The following MCF2L2 variants were observed in gnomAD, a reference collection of about 807,000 sequenced individuals.
MCF2L2 encodes MCF.2 cell line derived transforming sequence-like 2, also known as probable guanine nucleotide exchange factor MCF2L2.
MCF2L2 carries 102 observed loss-of-function variants against 150.2 expected under a neutral mutation model. That is an observed-to-expected ratio of 0.68 (90% CI 0.58 to 0.80). The LOEUF is 0.80. Among genes scored for constraint, MCF2L2 ranks in the 30% least tolerant of loss-of-function variants. The probability of loss-of-function intolerance (pLI) is 0.00; values close to 1 mark genes in which losing one functional copy is unlikely to be tolerated. For synonymous variants in MCF2L2, 465 were observed against 491.3 expected (o/e 0.95, Z 0.71); for missense variants, 1,256 against 1,372.8 (o/e 0.91, Z 1.34).
intron 6 of MCF2L2, among the ~76,000 whole-genome samples, chr3:183,322,445 A>G (rs1729851996): frequency 6.6e-6 from 1 of 152,152 alleles, no homozygotes; most frequent in South Asian, 2.1e-4. Context: ...GATACCAGTT[A>G]ACTTTCCCCA....
chr3:183,228,139 T>A (rs1238030550), intron 18 of MCF2L2, 158 bp downstream of exon 18: 1 of 604,102 alleles, frequency 1.7e-6, no homozygotes, highest in East Asian at 2.8e-5. Context: ...TTTGAATATA[T>A]GCAATTTTTA....
chr3:183,329,164 C>G (rs1730166436), intron 5 of MCF2L2, among the ~76,000 whole-genome samples: 1 of 152,196 alleles, frequency 6.6e-6, no homozygotes, highest in African/African-American at 2.4e-5. Flanking sequence ...TGTGGCCCAG[C>G]AAACACATGT....
At chr3:183,281,756 C>T (rs986906848) in intron 14 of MCF2L2, among the ~76,000 whole-genome samples, 2 of 151,906 alleles carry the variant, frequency 1.3e-5, no homozygotes, top group South Asian at 2.1e-4. Context: ...GGACTGAAGC[C>T]CCGTTGGAGG....
chr3:183,269,795 G>T, intron 15 of MCF2L2: 1 of 1,597,308 alleles, frequency 6.3e-7, no homozygotes, highest in South Asian at 1.1e-5. Flanking sequence ...AGACTTGAGT[G>T]GATATGAGAA....
chr3:183,278,283 TTGTG>T (rs144622953), intron 14 of MCF2L2, among the ~76,000 whole-genome samples: 2,222 of 138,492 alleles, frequency 0.016, 19 homozygotes, highest in Middle Eastern at 0.029. Flanking sequence ...AATGAAAAAA[TTGTG>T]TGTGTGTGTG....
Position 183,269,374 on chromosome 3 carries a change from C to T in MCF2L2, c.1862+7498G>A, listed in dbSNP as rs1179410925. 3 of 160,132 alleles carry T rather than the reference C, an allele frequency of 1.9e-5. No homozygotes were observed. In the Admixed American group the frequency reaches 1.9e-4, roughly 10 times the overall value. The allele number at this position is 160,132 out of a possible 1,614,324, so 9.9% of individuals were successfully genotyped here. On this transcript the variant is annotated intron_variant, in intron 15 of 29. Coordinates refer to ENST00000328913, the MANE Select transcript of MCF2L2 (RefSeq NM_015078.4). ...GTATGCCTCTGCTAAGTACTAACTACCTCATCACCTTTTGTGCAGACAGGG... is the reference window on the plus strand; with the variant it reads ...GTATGCCTCTGCTAAGTACTAACTATCTCATCACCTTTTGTGCAGACAGGG...
At chr3:183,190,460 C>T (rs966107983) in intron 27 of MCF2L2, among the ~76,000 whole-genome samples, 2 of 152,200 alleles carry the variant, frequency 1.3e-5, no homozygotes, top group African/African-American at 2.4e-5. Flanking sequence ...AAACGGCTTT[C>T]AGATGAAACC....
At chr3:183,360,968 GAAA>G (rs201452808) in intron 3 of MCF2L2, among the ~76,000 whole-genome samples, 1 of 56,166 alleles carries the variant, frequency 1.8e-5, no homozygotes. Flanking sequence ...GAAAAGAAAA[GAAA>G]AGAAAAGAAA....
At chr3:183,391,940 T>G (rs1577117641) in intron 1 of MCF2L2, among the ~76,000 whole-genome samples, 1 of 152,090 alleles carries the variant, frequency 6.6e-6, no homozygotes, top group African/African-American at 2.4e-5. Context: ...CAGACTAGAG[T>G]GCAGTGGCAT....
chr3:183,223,529 C>A (rs903467094), intron 19 of MCF2L2, 91 bp from the exon 20 acceptor site: 9 of 936,546 alleles, frequency 9.6e-6, no homozygotes, highest in Non-Finnish European at 1.5e-5. Context: ...CACAAAATTG[C>A]TTTTCCTGGA....
intron 18 of MCF2L2, chr3:183,224,409 G>C: frequency 2.0e-6 from 1 of 498,068 alleles, no homozygotes; most frequent in Non-Finnish European, 3.6e-6. Flanking sequence ...TAGGCACAGA[G>C]TGCTCTGGGA....
intron 20 of MCF2L2, among the ~76,000 whole-genome samples, chr3:183,221,064 T>C (rs956985525): frequency 2.6e-5 from 4 of 152,186 alleles, no homozygotes; most frequent in Admixed American, 2.6e-4. Context: ...GTGTGCGAGA[T>C]GCAAAATAAG....
chr3:183,268,176 C>A (rs1389126462), intron 15 of MCF2L2, among the ~76,000 whole-genome samples: 1 of 152,188 alleles, frequency 6.6e-6, no homozygotes, highest in Admixed American at 6.5e-5. Context: ...TATGAAATGG[C>A]AAGTGTGACT....
intron 14 of MCF2L2, 82 bp downstream of exon 14, chr3:183,289,038 A>G: frequency 1.1e-6 from 1 of 935,554 alleles, no homozygotes; most frequent in Non-Finnish European, 1.7e-6. Context: ...AAGGAAACAC[A>G]ATTTGTTGAT....
chr3:183,346,436 C>T (rs1426542479), intron 3 of MCF2L2, among the ~76,000 whole-genome samples: 1 of 152,160 alleles, frequency 6.6e-6, no homozygotes, highest in Non-Finnish European at 1.5e-5. Flanking sequence ...CTATTTATGA[C>T]AAACCCACAG....
chr3:183,183,965 G>A (rs764174260), intron 27 of MCF2L2, among the ~76,000 whole-genome samples: 1 of 151,950 alleles, frequency 6.6e-6, no homozygotes, highest in Non-Finnish European at 1.5e-5. Flanking sequence ...AAACACACAG[G>A]CTCTTGACAA....
At chr3:183,199,068 A>T (rs1290869907) in intron 25 of MCF2L2, among the ~76,000 whole-genome samples, 1 of 152,160 alleles carries the variant, frequency 6.6e-6, no homozygotes, top group Admixed American at 6.5e-5. Flanking sequence ...TCAAGAACTT[A>T]TGTTGCTTGG....
intron 15 of MCF2L2, among the ~76,000 whole-genome samples, chr3:183,251,381 C>T (rs757452575): frequency 2.6e-5 from 4 of 152,166 alleles, no homozygotes; most frequent in Non-Finnish European, 5.9e-5. Context: ...TTCTCTTGTA[C>T]TCAGGGTTTA....
chr3:183,330,202 A>G (rs972817340), intron 5 of MCF2L2, among the ~76,000 whole-genome samples: 3 of 146,486 alleles, frequency 2.0e-5, no homozygotes, highest in East Asian at 4.1e-4. Flanking sequence ...CCATGATCAC[A>G]CCACTGCACT....
Sources: gnomAD v4.1 joint callset for allele counts (sites outside exome capture counted in the v4.1 genomes callset) on GRCh38, gnomAD v4.1.1 for gene constraint, MANE v1.5 for transcripts, NCBI Gene and HGNC (gene_info 2026-07-23, HGNC 2026-07-21) for gene names.